Variants in CTNNA2 observed in about 807,000 individuals in gnomAD.
CTNNA2 encodes catenin alpha-2.
A neutral mutation model predicts 101.0 loss-of-function variants in CTNNA2; 42 were observed. The observed-to-expected ratio is 0.42, with a 90% CI of 0.32 to 0.54. The LOEUF is 0.54. Among genes scored for constraint, CTNNA2 ranks in the 20% least tolerant of loss-of-function variants. The pLI is 0.14. For missense variants in CTNNA2, 871 were observed against 1,223.1 expected (o/e 0.71, Z 4.29); for synonymous variants, 450 against 456.4 (o/e 0.99, Z 0.18).
At chr2:80,246,688 T>C (rs1378017848) in intron 7 of CTNNA2, among the ~76,000 whole-genome samples, 2 of 152,196 alleles carry the variant, frequency 1.3e-5, no homozygotes, top group Non-Finnish European at 2.9e-5. Flanking sequence ...TCACTGAGCA[T>C]TGAAGGATCC....
chr2:79,272,645 C>A (rs1309957713), intron 2 of CTNNA2, among the ~76,000 whole-genome samples: 1 of 151,972 alleles, frequency 6.6e-6, no homozygotes, highest in African/African-American at 2.4e-5. Context: ...TGGTATAATA[C>A]CTTGCCACTG....
intron 2 of CTNNA2, among the ~76,000 whole-genome samples, chr2:79,704,535 C>T (rs1685222337): frequency 8.0e-6 from 1 of 125,552 alleles, no homozygotes. Context: ...TTTTTTGAGA[C>T]GGAGTCTCGC....
chr2:79,769,765 A>G (rs939870696), intron 3 of CTNNA2, among the ~76,000 whole-genome samples: 4 of 152,214 alleles, frequency 2.6e-5, no homozygotes, highest in Non-Finnish European at 5.9e-5. Context: ...GAGTTCTCCA[A>G]TGGAGGAAAT....
intron 15 of CTNNA2, among the ~76,000 whole-genome samples, chr2:80,597,055 C>T (rs1697048509): frequency 6.6e-6 from 1 of 152,124 alleles, no homozygotes. Context: ...CAGGGATGAA[C>T]TCAACTTGAT....
intron 7 of CTNNA2, among the ~76,000 whole-genome samples, chr2:80,369,783 A>G (rs949451541): frequency 2.0e-5 from 3 of 152,132 alleles, no homozygotes; most frequent in African/African-American, 7.2e-5. Flanking sequence ...ACAGCCAGAG[A>G]GATGCTAAAT....
rs559605992 is a variant in CTNNA2 at position 79,249,552 on chromosome 2, T to C, written c.-406+51476T>C. Among the ~76,000 whole-genome samples, 5 of 152,332 alleles carry C rather than the reference T, an allele frequency of 3.3e-5. No individual in the cohort carries two copies. In the South Asian group the frequency reaches 8.3e-4, roughly 25 times the overall value. On this transcript the variant is annotated intron_variant, in intron 2 of 21. Transcript: ENST00000466387. ...AATGCAATGGGAACTCCTGAATGTA[T>C]CCTAAGCCTTCCTCAATCCTTAGCC...
At chr2:80,540,214 T>C (rs1691429845) in intron 9 of CTNNA2, among the ~76,000 whole-genome samples, 1 of 152,110 alleles carries the variant, frequency 6.6e-6, no homozygotes, top group South Asian at 2.1e-4. Flanking sequence ...TAGGAGAAAA[T>C]ATTAGCTTTG....
intron 4 of CTNNA2, among the ~76,000 whole-genome samples, chr2:79,464,317 C>G (rs1172894960): frequency 6.6e-6 from 1 of 152,162 alleles, no homozygotes; most frequent in African/African-American, 2.4e-5. Flanking sequence ...ATGAACTCAT[C>G]CTTCTTTGTG....
intron 9 of CTNNA2, among the ~76,000 whole-genome samples, chr2:80,538,095 TAA>T (rs1691206413): frequency 6.6e-6 from 1 of 152,222 alleles, no homozygotes; most frequent in African/African-American, 2.4e-5. Flanking sequence ...CTTGTAAATT[TAA>T]GTTCCTTGTA....
intron 2 of CTNNA2, among the ~76,000 whole-genome samples, chr2:79,295,003 G>A (rs1675943332): frequency 6.8e-6 from 1 of 146,010 alleles, no homozygotes; most frequent in South Asian, 2.1e-4. Flanking sequence ...TCATGTGTGT[G>A]TGTGTGTGTG....
chr2:80,149,288 C>T (rs992619708), intron 7 of CTNNA2, among the ~76,000 whole-genome samples: 7 of 152,144 alleles, frequency 4.6e-5, no homozygotes, highest in Admixed American at 1.3e-4. Flanking sequence ...ATCCTTTCCA[C>T]TCAGCTTCCC....
At chr2:79,884,650 G>C (rs1325945897) in intron 6 of CTNNA2, among the ~76,000 whole-genome samples, 1 of 151,864 alleles carries the variant, frequency 6.6e-6, no homozygotes. Context: ...CCCTGGTATA[G>C]CAACTCTACA....
chr2:80,028,489 G>A (rs1445838913), intron 7 of CTNNA2: 3 of 152,218 alleles, frequency 2.0e-5, no homozygotes, highest in African/African-American at 7.2e-5. Context: ...TTATGAGTAT[G>A]TCTTATTTTC....
rs1674322425 is a variant in CTNNA2, at chr2:80,648,278, A to G, written c.*406A>G. ...ATCTGGAAGTGTAATGGTAGAACAT[A>G]AAACTTGTATTGCTTCTGTTTCAGT... On this transcript the variant is annotated 3_prime_UTR_variant, in exon 19 of 19. Transcript: ENST00000402739. 1.3e-5 allele frequency: 2 copies of G among 156,092 alleles called. No individual in the cohort carries two copies. Among genetic ancestry groups the G allele is most frequent in the African/African-American group, 4.8e-5 (2 of 41,502 alleles). The allele number at this position is 156,092 out of a possible 1,614,324, so 9.7% of individuals were successfully genotyped here. A position where few individuals can be genotyped will look rare whatever the true frequency, so the allele number is the denominator to read the frequency against.
intron 9 of CTNNA2, among the ~76,000 whole-genome samples, chr2:80,493,933 A>G (rs149388683): frequency 2.0e-5 from 3 of 152,210 alleles, no homozygotes; most frequent in African/African-American, 7.2e-5. Flanking sequence ...TTTCTACACT[A>G]TAATTTTCAC....
intron 7 of CTNNA2, among the ~76,000 whole-genome samples, chr2:80,197,009 G>A (rs7604121): frequency 0.24 from 36,483 of 151,962 alleles, 6,974 homozygotes; most frequent in African/African-American, 0.53. Flanking sequence ...TTGCATGCAC[G>A]TACTATTTTC....
At chr2:80,070,615 G>C (rs1698267378) in intron 7 of CTNNA2, among the ~76,000 whole-genome samples, 2 of 151,954 alleles carry the variant, frequency 1.3e-5, no homozygotes, top group South Asian at 4.1e-4. Flanking sequence ...TACTTGGGAG[G>C]CTCAGGAGGG....
intron 7 of CTNNA2, among the ~76,000 whole-genome samples, chr2:80,090,146 CTGTG>C (rs35203371): frequency 0.036 from 4,999 of 140,472 alleles, 86 homozygotes; most frequent in South Asian, 0.046. Flanking sequence ...CTCTCTCTCT[CTGTG>C]TGTGTGTGTG....
At chr2:79,683,726 GT>G (rs36040250) in intron 2 of CTNNA2, among the ~76,000 whole-genome samples, 20,222 of 152,150 alleles carry the variant, frequency 0.13, 1,428 homozygotes, top group South Asian at 0.21. Flanking sequence ...TCACACAATT[GT>G]GAGAGAGTTC....
Sources: allele counts gnomAD v4.1 joint callset (sites outside exome capture counted in the v4.1 genomes callset), GRCh38; gene constraint gnomAD v4.1.1; transcripts MANE v1.5; gene names NCBI Gene and HGNC (gene_info 2026-07-23, HGNC 2026-07-21).